MIER2: variants seen among roughly 807,000 people sequenced by gnomAD.
MIER2 encodes MIER family member 2, also known as mesoderm induction early response protein 2.
A neutral mutation model predicts 67.6 loss-of-function variants in MIER2; 30 were observed. That is an observed-to-expected ratio of 0.44 (90% confidence interval 0.33 to 0.60). The LOEUF (loss-of-function observed/expected upper bound fraction) is 0.60, where lower values mean the gene tolerates loss of function less well. Among genes scored for constraint, MIER2 ranks in the 20% least tolerant of loss-of-function variants. The probability of loss-of-function intolerance (pLI) is 0.02; values close to 1 mark genes in which losing one functional copy is unlikely to be tolerated. For missense variants in MIER2, 702 were observed against 745.1 expected (o/e 0.94, Z 0.67); for synonymous variants, 372 against 312.6 (o/e 1.19, Z -2.00).
At chr19:342,681 T>C (rs1972559047) in intron 1 of MIER2, among the ~76,000 whole-genome samples, 1 of 151,084 alleles carries the variant, frequency 6.6e-6, no homozygotes. Context: ...GGGATACTGA[T>C]ACAGAATAAA....
intron 7 of MIER2, among the ~76,000 whole-genome samples, chr19:316,459 T>C (rs1357699686): frequency 6.6e-6 from 1 of 152,040 alleles, no homozygotes; most frequent in African/African-American, 2.4e-5. Context: ...CTGGCTAATT[T>C]TTGTATTTTT....
In MIER2 at chr19:336,068, G is replaced by T; in HGVS notation, c.100+15C>A. On this transcript the variant is annotated intron_variant, in intron 2 of 13. Transcript: ENST00000264819. Reference sequence around the variant, plus strand: ...CCTTGGCGGACCTGAGCAGGGGAAGGAGGGAGGAAGGTACCTGCTGTTGTC... The same window carrying T: ...CCTTGGCGGACCTGAGCAGGGGAAGTAGGGAGGAAGGTACCTGCTGTTGTC... The T allele has an allele frequency of 6.2e-7, 1 of 1,612,140 alleles. No homozygotes were observed. The highest frequency in any genetic ancestry group is 1.1e-5 in the South Asian group (1 of 90,904).
At chr19:339,735 A>G (rs1972420936) in intron 1 of MIER2, among the ~76,000 whole-genome samples, 2 of 151,370 alleles carry the variant, frequency 1.3e-5, no homozygotes, top group African/African-American at 4.9e-5. Context: ...GTGTCGTATG[A>G]CTCATTTAAT....
intron 7 of MIER2, 100 bp downstream of exon 7, chr19:325,535 G>A (rs371333669): frequency 4.2e-5 from 58 of 1,368,130 alleles, no homozygotes; most frequent in Middle Eastern, 1.8e-4. Flanking sequence ...TGAGCGATGC[G>A]GGGCGGGGAC....
rs147072896 is a variant in MIER2 at position 307,452 on chromosome 19, G to C, written c.1283C>G (p.Pro428Arg). 2 of 1,580,844 alleles carry C rather than the reference G, an allele frequency of 1.3e-6. No individual in the cohort carries two copies. Among genetic ancestry groups the C allele is most frequent in the African/African-American group, 1.3e-5 (1 of 74,418 alleles). Residue 428 changes from proline (P) to arginine (R), a missense_variant, in exon 13 of 14, where the codon CCG becomes CGG. Coordinates refer to ENST00000264819, the MANE Select transcript of MIER2 (RefSeq NM_017550.3). Reference protein sequence around the residue: ...SDGLPSSEPGPCSFQQLDESP... With the variant: ...SDGLPSSEPGRCSFQQLDESP... ...CTCATCCAGCTGCTGGAAGGAACACGGCCCTGGCTCCGAGGACGGGAGTCC... is the reference window on the plus strand; with the variant it reads ...CTCATCCAGCTGCTGGAAGGAACACCGCCCTGGCTCCGAGGACGGGAGTCC...
intron 7 of MIER2, among the ~76,000 whole-genome samples, chr19:322,552 G>C (rs761491401): frequency 6.6e-6 from 1 of 152,100 alleles, no homozygotes; most frequent in African/African-American, 2.4e-5. Flanking sequence ...CGCAAAGAGA[G>C]AATATCCAAA....
chr19:307,556 A>G lies in MIER2; in HGVS notation c.1199-20T>C. The G allele has an allele frequency of 1.3e-6, 2 of 1,491,782 alleles. No homozygotes were observed. Among genetic ancestry groups the G allele is most frequent in the Non-Finnish European group, 1.8e-6 (2 of 1,127,968 alleles). The allele number at this position is 1,491,782 out of a possible 1,614,324, so 92.4% of individuals were successfully genotyped here. ...GTGGATCTGTGAAAGAGAACGCAAC[A>G]GAGGGTGGGGCCTGCCCACAGCCGC... On this transcript the variant is annotated intron_variant, in intron 12 of 13. Transcript: ENST00000264819.
intron 13 of MIER2, 72 bp from the exon 14 acceptor site, chr19:306,783 G>C: frequency 1.3e-6 from 2 of 1,546,176 alleles, no homozygotes; most frequent in Non-Finnish European, 1.8e-6. Context: ...GCCCAGTGCT[G>C]AGCGCTGGAC....
chr19:306,767 T>C, intron 13 of MIER2, 56 bp from the exon 14 acceptor site: 1 of 1,551,288 alleles, frequency 6.4e-7, no homozygotes, highest in Non-Finnish European at 8.7e-7. Flanking sequence ...CCCACGTGCC[T>C]GCACAGCCCA....
intron 7 of MIER2, among the ~76,000 whole-genome samples, chr19:317,392 T>C (rs1971287388): frequency 1.3e-5 from 2 of 151,464 alleles, no homozygotes; most frequent in East Asian, 3.9e-4. Context: ...CCGGGAGTCA[T>C]GGCGGGTGCC....
At chr19:326,455 C>A in intron 6 of MIER2, 52 bp downstream of exon 6, 1 of 1,528,668 alleles carries the variant, frequency 6.5e-7, no homozygotes, top group South Asian at 1.1e-5. Context: ...GTTGGGGAGA[C>A]GGCAGAACCA....
At chr19:329,109 C>A (rs570022231) in intron 3 of MIER2, among the ~76,000 whole-genome samples, 1 of 152,108 alleles carries the variant, frequency 6.6e-6, no homozygotes, top group African/African-American at 2.4e-5. Context: ...TTCCAACTTC[C>A]GGAACACTCC....
At chr19:329,863 T>C (rs1309996370) in intron 3 of MIER2, among the ~76,000 whole-genome samples, 2 of 86,768 alleles carry the variant, frequency 2.3e-5, no homozygotes, top group Non-Finnish European at 4.5e-5. Context: ...CAATACTCCG[T>C]CTCAAAAAAA....
At chr19:312,002 G>T in intron 9 of MIER2, 63 bp from the exon 10 acceptor site, 1 of 1,332,628 alleles carries the variant, frequency 7.5e-7, no homozygotes. Flanking sequence ...CGGAAGGAAG[G>T]CCCAGGCCGG....
intron 7 of MIER2, among the ~76,000 whole-genome samples, chr19:323,213 C>T (rs753034076): frequency 2.1e-4 from 28 of 131,934 alleles, no homozygotes; most frequent in Non-Finnish European, 4.2e-4. Context: ...ACACACACAA[C>T]CACGCAGACA....
chr19:325,259 C>T (rs547399868), intron 7 of MIER2, among the ~76,000 whole-genome samples: 211 of 152,342 alleles, frequency 1.4e-3, no homozygotes, highest in African/African-American at 4.9e-3. Context: ...GGGGGTGCAG[C>T]GCAGCATCCG....
chr19:337,235 A>G (rs1000855104), intron 1 of MIER2, among the ~76,000 whole-genome samples: 4 of 152,218 alleles, frequency 2.6e-5, no homozygotes, highest in African/African-American at 9.7e-5. Flanking sequence ...GCCACGACCA[A>G]GTAAGATTTA....
chr19:340,159 C>T (rs180922284), intron 1 of MIER2, among the ~76,000 whole-genome samples: 47 of 152,248 alleles, frequency 3.1e-4, no homozygotes, highest in Admixed American at 1.2e-3. Flanking sequence ...AGTCAGTTAC[C>T]CAAGCTCACA....
intron 10 of MIER2, among the ~76,000 whole-genome samples, chr19:310,670 C>G (rs62103693): frequency 0.075 from 3,462 of 46,264 alleles, no homozygotes; most frequent in African/African-American, 0.23. Flanking sequence ...GCCCGAAGCT[C>G]CAGAAACACA....
Sources: gnomAD v4.1 joint callset for allele counts (sites outside exome capture counted in the v4.1 genomes callset) on GRCh38, gnomAD v4.1.1 for gene constraint, MANE v1.5 for transcripts, NCBI Gene and HGNC (gene_info 2026-07-23, HGNC 2026-07-21) for gene names.